The following MYBL2 variants were observed in gnomAD, a reference collection of about 807,000 sequenced individuals.
The protein encoded by MYBL2 is MYB proto-oncogene like 2, also known as myb-related protein B.
A neutral mutation model predicts 79.9 loss-of-function variants in MYBL2; 28 were observed. The ratio of observed to expected loss-of-function variants is 0.35; its 90% CI spans 0.26 to 0.48. The LOEUF (loss-of-function observed/expected upper bound fraction) is 0.48. Among genes scored for constraint, MYBL2 ranks in the 20% least tolerant of loss-of-function variants. MYBL2 has a pLI of 0.99. For synonymous variants in MYBL2, 378 were observed against 361.2 expected (o/e 1.05, Z -0.53); for missense variants, 735 against 893.9 (o/e 0.82, Z 2.27).
intron 2 of MYBL2, among the ~76,000 whole-genome samples, chr20:43,677,253 G>A (rs147147681): frequency 4.2e-4 from 64 of 152,296 alleles, no homozygotes; most frequent in African/African-American, 1.4e-3. Flanking sequence ...AGATAAGACC[G>A]TGTGCAGGTC....
chr20:43,678,754 A>G (rs1055060522), intron 2 of MYBL2, among the ~76,000 whole-genome samples: 2 of 146,726 alleles, frequency 1.4e-5, no homozygotes, highest in Admixed American at 7.1e-5. Context: ...GCAATTTGGG[A>G]GGCTGAGGCA....
intron 4 of MYBL2, among the ~76,000 whole-genome samples, chr20:43,684,510 C>G (rs976003909): frequency 6.6e-6 from 1 of 150,742 alleles, no homozygotes; most frequent in African/African-American, 2.4e-5. Context: ...GCTGGGATTA[C>G]AAGCGTGAGC....
Position 43,715,172 on chromosome 20 carries a change from G to C in MYBL2, c.1863G>C (p.Leu621=). The C allele has an allele frequency of 6.2e-7, 1 of 1,614,184 alleles. No homozygotes were observed. Among genetic ancestry groups the C allele is most frequent in the Non-Finnish European group, 8.5e-7 (1 of 1,180,044 alleles). The change falls in exon 13 of 14, where the codon CTG becomes CTC. Residue 621 remains leucine, a synonymous_variant. Coordinates refer to ENST00000217026, the MANE Select transcript of MYBL2 (RefSeq NM_002466.4). ...CTTCAAACTCTTCCAGCCTCACCCT[G>C]TCAGGTATCAAAGAAGACAACAGCT... ...TAPSNSSSLT[L]SGIKEDNSLL...
At chr20:43,669,318 G>A (rs952943491) in intron 1 of MYBL2, among the ~76,000 whole-genome samples, 1 of 152,168 alleles carries the variant, frequency 6.6e-6, no homozygotes, top group Non-Finnish European at 1.5e-5. Context: ...CTGATTTTTT[G>A]TTCAGGAAGA....
chr20:43,712,626 T>C (rs1987933558), intron 11 of MYBL2, among the ~76,000 whole-genome samples: 1 of 152,176 alleles, frequency 6.6e-6, no homozygotes, highest in Non-Finnish European at 1.5e-5. Flanking sequence ...TGTTCCCATA[T>C]TACTGGCCTG....
intron 6 of MYBL2, among the ~76,000 whole-genome samples, chr20:43,698,191 G>C (rs1987594935): frequency 6.7e-6 from 1 of 149,910 alleles, no homozygotes; most frequent in Admixed American, 6.7e-5. Flanking sequence ...TTTTATAAAG[G>C]TATAATTTAC....
intron 2 of MYBL2, among the ~76,000 whole-genome samples, chr20:43,675,399 C>T (rs1011214579): frequency 2.0e-5 from 3 of 151,654 alleles, no homozygotes; most frequent in African/African-American, 7.3e-5. Flanking sequence ...CTGCAACTTC[C>T]GCCTCCTGGG....
Position 43,715,979 on chromosome 20 carries a change from G to T in MYBL2, c.1995G>T (p.Thr665=). The T allele has an allele frequency of 6.2e-7, 1 of 1,611,870 alleles. No individual in the cohort carries two copies. Among genetic ancestry groups the T allele is most frequent in the Non-Finnish European group, 8.5e-7 (1 of 1,179,628 alleles). Residue 665 remains threonine (T), a synonymous_variant, in exon 14 of 14, where the codon ACG becomes ACT. Transcript: ENST00000217026. ...CCCAGATGTCCAGTGCCTGGAAGAC[G>T]GTGGCCTGCGGGGGGACCAGGGACC... ...TPAPMSSAWK[T]VACGGTRDQL...
intron 6 of MYBL2, among the ~76,000 whole-genome samples, chr20:43,695,156 C>G (rs1355007834): frequency 6.6e-6 from 1 of 151,936 alleles, no homozygotes; most frequent in East Asian, 1.9e-4. Context: ...GCCTCAGCCT[C>G]CTGAGTAGCT....
chr20:43,672,212 A>C (rs1484553538), intron 1 of MYBL2, among the ~76,000 whole-genome samples: 1 of 5,864 alleles, frequency 1.7e-4, no homozygotes, highest in Non-Finnish European at 7.6e-4. Context: ...CTCCGTCTCA[A>C]AAAAAAAAAA....
chr20:43,713,204 C>A, intron 12 of MYBL2, 98 bp downstream of exon 12: 8 of 768,456 alleles, frequency 1.0e-5, no homozygotes, highest in African/African-American at 1.8e-5. Flanking sequence ...GAACCCTGGG[C>A]TCTGCAGGGA....
rs966481281 is a variant in MYBL2 at position 43,673,893 on chromosome 20, T to C, written c.108T>C (p.His36=). 4.4e-5 allele frequency: 69 copies of C among 1,551,534 alleles called. No individual in the cohort carries two copies. The highest frequency in any genetic ancestry group is 5.6e-5 in the Non-Finnish European group (64 of 1,147,046). Residue 36 remains histidine (H), a synonymous_variant, in exon 2 of 14, where the codon CAT becomes CAC. Transcript: ENST00000217026. ...GCAAGTGCAAGGTCAAATGGACCCA[T>C]GAGGAGGTGAGTGCCATGGGGAAGA... ...RDSKCKVKWT[H]EEDEQLRALV... is the part of the protein sequence containing the mutation.
In MYBL2 at chr20:43,715,967, T is replaced by C; in HGVS notation, c.1983T>C (p.Ser661=). Reference sequence around the variant, plus strand: ...CTCTTGCCTCCTCCCAGATGTCCAGTGCCTGGAAGACGGTGGCCTGCGGGG... The same window carrying C: ...CTCTTGCCTCCTCCCAGATGTCCAGCGCCTGGAAGACGGTGGCCTGCGGGG... ...SHFTTPAPMS[S]AWKTVACGGT... is the part of the protein sequence containing the mutation. Residue 661 remains serine, a synonymous_variant, in exon 14 of 14, where the codon AGT becomes AGC. Transcript: ENST00000217026. 6.2e-7 allele frequency: 1 copy of C among 1,611,388 alleles called. No individual in the cohort carries two copies. The highest frequency in any genetic ancestry group is 8.5e-7 in the Non-Finnish European group (1 of 1,179,428).
intron 1 of MYBL2, among the ~76,000 whole-genome samples, chr20:43,668,313 G>A (rs1288082292): frequency 1.4e-5 from 2 of 147,654 alleles, no homozygotes; most frequent in African/African-American, 5.0e-5. Context: ...CGATTCTCCT[G>A]CCTCAGCTTC....
intron 11 of MYBL2, 43 bp from the exon 12 acceptor site, chr20:43,712,959 T>A: frequency 6.7e-7 from 1 of 1,484,014 alleles, no homozygotes; most frequent in Non-Finnish European, 9.3e-7. Flanking sequence ...CCATGGGGAA[T>A]CCAGACACTC....
intron 4 of MYBL2, among the ~76,000 whole-genome samples, chr20:43,683,275 A>G (rs1321796674): frequency 6.6e-6 from 1 of 152,134 alleles, no homozygotes; most frequent in Admixed American, 6.6e-5. Context: ...TGATGATTGC[A>G]CCCTGTGACC....
intron 4 of MYBL2, 123 bp downstream of exon 4, chr20:43,683,009 A>G (rs1024326636): frequency 4.6e-6 from 4 of 878,160 alleles, no homozygotes; most frequent in Non-Finnish European, 7.4e-6. Flanking sequence ...TGAGTTGTCT[A>G]CCAGCCAGTC....
intron 2 of MYBL2, among the ~76,000 whole-genome samples, chr20:43,674,159 A>G (rs1404545211): frequency 3.5e-5 from 5 of 141,290 alleles, no homozygotes; most frequent in African/African-American, 1.0e-4. Flanking sequence ...GCCATGTTCT[A>G]TGTCATGGAC....
At chr20:43,673,278 A>C (rs1986911322) in intron 1 of MYBL2, among the ~76,000 whole-genome samples, 1 of 149,410 alleles carries the variant, frequency 6.7e-6, no homozygotes. Flanking sequence ...TTTTGAAATC[A>C]CTAGGGCATT....
Sources: gnomAD v4.1 joint callset for allele counts (sites outside exome capture counted in the v4.1 genomes callset) on GRCh38, gnomAD v4.1.1 for gene constraint, MANE v1.5 for transcripts, NCBI Gene and HGNC (gene_info 2026-07-23, HGNC 2026-07-21) for gene names.